The following KIF26A variants were observed in gnomAD, a reference collection of about 807,000 sequenced individuals.
KIF26A encodes the protein kinesin-like protein KIF26A.
KIF26A carries 74 observed loss-of-function variants against 126.0 expected under a neutral mutation model. That is an observed-to-expected ratio of 0.59 (90% CI 0.49 to 0.71). KIF26A has a LOEUF of 0.71. Among genes scored for constraint, KIF26A ranks in the 30% least tolerant of loss-of-function variants. The pLI, the probability that KIF26A is intolerant of heterozygous loss-of-function variation, is 0.00. For synonymous variants in KIF26A, 1,445 were observed against 1,232.7 expected (o/e 1.17, Z -3.61); for missense variants, 2,984 against 2,763.3 (o/e 1.08, Z -1.79).
At chr14:104,161,022 A>G (rs2039894) in intron 4 of KIF26A, among the ~76,000 whole-genome samples, 106,829 of 152,102 alleles carry the variant, frequency 0.7, 38,930 homozygotes, top group African/African-American at 0.91. Flanking sequence ...GCCTGCGGGG[A>G]GAGTGCGCTG....
chr14:104,180,736 G>A lies in KIF26A; in HGVS notation c.*946G>A, dbSNP rs1397910659. The A allele has an allele frequency of 2.6e-5, 4 of 154,340 alleles. No homozygotes were observed. The highest frequency in any genetic ancestry group is 4.4e-5 in the Non-Finnish European group (3 of 68,226). 9.6% of individuals were successfully genotyped at this position (154,340 alleles called of 1,614,324 possible). A position where few individuals can be genotyped will look rare whatever the true frequency, so the allele number is the denominator to read the frequency against. ...TGGGAGGCGCTTCTTGCCAAATGCAGACGAGGGGTGAGCCTGCCAGCGTTT... is the reference window on the plus strand; with the variant it reads ...TGGGAGGCGCTTCTTGCCAAATGCAAACGAGGGGTGAGCCTGCCAGCGTTT... On this transcript the variant is annotated 3_prime_UTR_variant, in exon 15 of 15. Transcript: ENST00000423312.
chr14:104,175,211 A>G lies in KIF26A; in HGVS notation c.2423A>G (p.Asn808Ser), dbSNP rs1044711627. The change falls in exon 12 of 15, where the codon AAC becomes AGC. Residue 808 changes from asparagine (N) to serine (S), a missense_variant. By Grantham distance (46) the Asn-to-Ser change is conservative. Transcript: ENST00000423312. The stretch of plus-strand genomic sequence containing the variant: ...CTGTCAGACCGGGAGCTCACCGACA[A>G]CGAAGGTCCGCCTGACTTCGTGCCC... ...AALSDRELTD[N>S]EGPPDFVPII... 6.2e-7 allele frequency: 1 copy of G among 1,609,970 alleles called. No individual in the cohort carries two copies. The highest frequency in any genetic ancestry group is 1.1e-5 in the South Asian group (1 of 90,670).
intron 2 of KIF26A, among the ~76,000 whole-genome samples, chr14:104,147,589 T>C (rs1226777833): frequency 2.0e-5 from 3 of 152,134 alleles, no homozygotes; most frequent in Non-Finnish European, 4.4e-5. Context: ...GTTTCCAGAC[T>C]GGAGCACCGA....
Position 104,180,851 on chromosome 14 carries a change from C to T in KIF26A, c.*1061C>T, listed in dbSNP as rs1175823185. ...CTTTGTACAAATGTGTAGATGACATCTTGCTACAGCTTTTATTTGTGAATT... is the reference window on the plus strand; with the variant it reads ...CTTTGTACAAATGTGTAGATGACATTTTGCTACAGCTTTTATTTGTGAATT... On this transcript the variant is annotated 3_prime_UTR_variant, in exon 15 of 15. Coordinates refer to ENST00000423312, the MANE Select transcript of KIF26A (RefSeq NM_015656.2). 2 of 153,486 alleles carry T rather than the reference C, an allele frequency of 1.3e-5. No individual in the cohort carries two copies. The highest frequency in any genetic ancestry group is 2.9e-5 in the Non-Finnish European group (2 of 68,158). 9.5% of individuals were successfully genotyped at this position (153,486 alleles called of 1,614,324 possible). A position where few individuals can be genotyped will look rare whatever the true frequency, so the allele number is the denominator to read the frequency against.
At chr14:104,171,133 G>A (rs2037952800) in intron 5 of KIF26A, among the ~76,000 whole-genome samples, 1 of 152,232 alleles carries the variant, frequency 6.6e-6, no homozygotes, top group African/African-American at 2.4e-5. Context: ...GTTTGCATTC[G>A]AATGGGCTTC....
Position 104,178,566 on chromosome 14 carries a change from C to T in KIF26A, c.5127C>T (p.Arg1709=). ...KKRATGLQRR[R]LIPAPLPDTT... is the part of the protein sequence containing the mutation. ...CCGTTCCAGGTCTGCAGCGGCGGCG[C>T]CTGATTCCCGCCCCACTGCCCGACA... Residue 1709 remains arginine (R), a synonymous_variant, in exon 13 of 15, where the codon CGC becomes CGT. Coordinates refer to ENST00000423312, the MANE Select transcript of KIF26A (RefSeq NM_015656.2). The T allele has an allele frequency of 1.4e-6, 2 of 1,478,894 alleles. No homozygotes were observed. The highest frequency in any genetic ancestry group is 1.4e-5 in the African/African-American group (1 of 70,260). The allele number at this position is 1,478,894 out of a possible 1,614,324, so 91.6% of individuals were successfully genotyped here.
At chr14:104,138,991 A>C in intron 1 of KIF26A, 52 bp from the exon 2 acceptor site, 1 of 1,322,878 alleles carries the variant, frequency 7.6e-7, no homozygotes, top group Non-Finnish European at 9.6e-7. Flanking sequence ...AGGGGTCTGG[A>C]TCCGACGGAC....
In KIF26A at chr14:104,152,791, G is replaced by A. The variant is rs1220032566; in HGVS notation, c.735+330G>A. 4.6e-5 allele frequency among the ~76,000 whole-genome samples: 5 copies of A among 108,588 alleles called. No homozygotes were observed. Among genetic ancestry groups the A allele is most frequent in the Admixed American group, 3.8e-4 (4 of 10,428 alleles). The allele number at this position is 108,588 out of a possible 152,430, so 71.2% of individuals were successfully genotyped here. On this transcript the variant is annotated intron_variant, in intron 3 of 14. Coordinates refer to ENST00000423312, the MANE Select transcript of KIF26A (RefSeq NM_015656.2). The surrounding 1 kb of genome is among the most constrained non-coding windows in gnomAD (Gnocchi z 5.9). ...ATGCACAGGGCACCGTGTGTAGATC[G>A]GGGCTCACGAGGCAGATGGAGTAGG...
At chr14:104,150,931 T>G (rs75478598) in intron 2 of KIF26A, among the ~76,000 whole-genome samples, 5,940 of 152,070 alleles carry the variant, frequency 0.039, 412 homozygotes, top group African/African-American at 0.14. Flanking sequence ...GAGACACCCC[T>G]TGGGGAGGGG....
At chr14:104,161,367 G>C (rs2037831298) in intron 4 of KIF26A, among the ~76,000 whole-genome samples, 1 of 152,200 alleles carries the variant, frequency 6.6e-6, no homozygotes, top group Non-Finnish European at 1.5e-5. Flanking sequence ...TGGAAGCTCT[G>C]GGTTGGCCAT....
chr14:104,141,490 G>A (rs921965765), intron 2 of KIF26A, among the ~76,000 whole-genome samples: 1 of 152,184 alleles, frequency 6.6e-6, no homozygotes, highest in Non-Finnish European at 1.5e-5. Context: ...CCTCGCCTCC[G>A]GGCTTCCTGC....
intron 2 of KIF26A, among the ~76,000 whole-genome samples, chr14:104,150,167 C>A (rs1252238371): frequency 1.8e-4 from 14 of 78,126 alleles, no homozygotes; most frequent in African/African-American, 3.5e-4. Context: ...CTCCCCCTTC[C>A]CCTTCTCCTC....
intron 2 of KIF26A, among the ~76,000 whole-genome samples, chr14:104,147,719 G>A (rs539219614): frequency 2.0e-5 from 3 of 152,376 alleles, no homozygotes; most frequent in Non-Finnish European, 4.4e-5. Context: ...TGTCAGCTCC[G>A]GAAACAGCGG....
intron 5 of KIF26A, among the ~76,000 whole-genome samples, chr14:104,170,524 G>A (rs2037946955): frequency 1.3e-5 from 2 of 152,224 alleles, no homozygotes; most frequent in Non-Finnish European, 2.9e-5. Flanking sequence ...TTAAATCCGT[G>A]AAAAATATTG....
intron 4 of KIF26A, among the ~76,000 whole-genome samples, chr14:104,164,100 C>T (rs1424488002): frequency 1.3e-5 from 2 of 152,050 alleles, no homozygotes; most frequent in Non-Finnish European, 2.9e-5. Flanking sequence ...GAGACAGCTC[C>T]TATTCAAAAT....
At chr14:104,140,386 G>A (rs1478469918) in intron 2 of KIF26A, among the ~76,000 whole-genome samples, 2 of 152,156 alleles carry the variant, frequency 1.3e-5, no homozygotes, top group African/African-American at 4.8e-5. Flanking sequence ...TGCCCCAGTG[G>A]CCTGTATCTA....
Position 104,147,372 on chromosome 14 carries a change from C to T in KIF26A, c.289-4643C>T, listed in dbSNP as rs1049076236. On this transcript the variant is annotated intron_variant, in intron 2 of 14. Transcript: ENST00000423312. ...GCACAGGCCCTTGGGGATGGCGTGC[C>T]GGCCAGTGCTGGGTGGACTGGGTTG... Among the ~76,000 whole-genome samples, 3 of 152,212 alleles carry T rather than the reference C, an allele frequency of 2.0e-5. No individual in the cohort carries two copies. The South Asian group carries it at 6.2e-4, about 31-fold the overall frequency.
At position 104,166,873 on chromosome 14, in the gene KIF26A, T is replaced by G; in HGVS notation, c.938T>G (p.Leu313Arg). 6.3e-7 allele frequency: 1 copy of G among 1,577,386 alleles called. No individual in the cohort carries two copies. Among genetic ancestry groups the G allele is most frequent in the Middle Eastern group, 1.8e-4 (1 of 5,486 alleles). ...ASFFIRAMQK[L>R]SLASKRKKPH... ...CTCCTCCCCAGGGCTATGCAGAAGC[T>G]CAGCCTGGCCTCCAAGAGGAAGAAG... is the stretch of plus-strand genomic sequence containing the variant. The change falls in exon 5 of 15, where the codon CTC becomes CGC. Residue 313 changes from leucine (L) to arginine (R), a missense_variant. By Grantham distance (102) the Leu-to-Arg change is moderately radical (BLOSUM62 -2). Transcript: ENST00000423312.
chr14:104,157,188 G>A (rs1239200960), intron 3 of KIF26A, among the ~76,000 whole-genome samples: 1 of 152,190 alleles, frequency 6.6e-6, no homozygotes, highest in Non-Finnish European at 1.5e-5. Flanking sequence ...GCTTCATTAT[G>A]AGGAGGCCTC....
Sources: gnomAD v4.1 joint callset for allele counts (sites outside exome capture counted in the v4.1 genomes callset) on GRCh38, gnomAD v4.1.1 for gene constraint, Gnocchi (gnomAD v3.1) non-coding constraint, MANE v1.5 for transcripts, NCBI Gene and HGNC (gene_info 2026-07-23, HGNC 2026-07-21) for gene names.